STX18: variants seen among roughly 807,000 people sequenced by gnomAD.
The protein encoded by STX18 is syntaxin-18.
STX18 carries 40 observed loss-of-function variants against 50.1 expected under a neutral mutation model. The observed-to-expected ratio is 0.80, with a 90% CI of 0.62 to 1.04. The LOEUF (loss-of-function observed/expected upper bound fraction) is 1.04, where lower values mean the gene tolerates loss of function less well. Among genes scored for constraint, STX18 ranks in the 50% least tolerant of loss-of-function variants. The pLI is 0.00. For missense variants in STX18, 410 were observed against 415.8 expected, an observed-to-expected ratio of 0.99 and a Z score of 0.12; for synonymous variants, 158 against 151.8, an observed-to-expected ratio of 1.04 and a Z score of -0.30.
rs555814814 is a variant in STX18, at chr4:4,540,290, A to G, written c.168+1507T>C. ...CCTTCTCTGGTGCTTTCTCTACCAG[A>G]TAACATCTGACCATCTACAGGGCAA... On this transcript the variant is annotated intron_variant, in intron 1 of 10. Coordinates refer to ENST00000306200, the MANE Select transcript of STX18 (RefSeq NM_016930.4). 1.1e-4 allele frequency among the ~76,000 whole-genome samples: 17 copies of G among 152,336 alleles called. No homozygotes were observed. The South Asian group carries it at 3.1e-3, about 28-fold the overall frequency.
At chr4:4,501,147 T>C (rs1332219252) in intron 1 of STX18, among the ~76,000 whole-genome samples, 1 of 152,274 alleles carries the variant, frequency 6.6e-6, no homozygotes, top group South Asian at 2.1e-4. Flanking sequence ...TATGCTGTAA[T>C]GAACATCTTT....
At chr4:4,460,987 G>A (rs1372643987) in intron 2 of STX18, among the ~76,000 whole-genome samples, 1 of 152,050 alleles carries the variant, frequency 6.6e-6, no homozygotes, top group East Asian at 1.9e-4. Flanking sequence ...AGGCTAACGG[G>A]GTCAGGGACA....
chr4:4,507,533 A>G, intron 1 of STX18: 1 of 770,552 alleles, frequency 1.3e-6, no homozygotes, highest in Non-Finnish European at 2.4e-6. Context: ...AGCCGCACAA[A>G]AAATAAGCAA....
chr4:4,539,470 C>T (rs964708280), intron 1 of STX18, among the ~76,000 whole-genome samples: 3 of 152,174 alleles, frequency 2.0e-5, no homozygotes, highest in African/African-American at 7.2e-5. Flanking sequence ...GAGTGGGGAA[C>T]GGTTGCAAGA....
rs1363592228 is a variant in STX18 at position 4,525,351 on chromosome 4, G to A, written c.168+16446C>T. ...AGTATGAAGCTCAAGGCAGGCAAAG[G>A]AGAAGTGCTTGAGGGAGAACTGTTA... On this transcript the variant is annotated intron_variant, in intron 1 of 10. Transcript: ENST00000306200. Among the ~76,000 whole-genome samples, 11 of 152,304 alleles carry A rather than the reference G, an allele frequency of 7.2e-5. No homozygotes were observed. In the South Asian group the frequency reaches 2.3e-3, roughly 32 times the overall value.
intron 1 of STX18, among the ~76,000 whole-genome samples, chr4:4,491,411 G>A (rs1021859401): frequency 2.0e-5 from 3 of 152,000 alleles, no homozygotes; most frequent in South Asian, 2.1e-4. Flanking sequence ...TAATACTAAC[G>A]TAGGAAAAAG....
intron 1 of STX18, among the ~76,000 whole-genome samples, chr4:4,536,878 C>T (rs1731363249): frequency 6.6e-6 from 1 of 152,206 alleles, no homozygotes; most frequent in Non-Finnish European, 1.5e-5. Context: ...TCATTATTAC[C>T]TTATTTAGAA....
chr4:4,531,495 T>C (rs1731094327), intron 1 of STX18, among the ~76,000 whole-genome samples: 1 of 152,224 alleles, frequency 6.6e-6, no homozygotes. Flanking sequence ...AGGATCGCCA[T>C]TGATGTTTGC....
At chr4:4,433,745 TAG>T (rs1408982782) in intron 7 of STX18, among the ~76,000 whole-genome samples, 1 of 151,982 alleles carries the variant, frequency 6.6e-6, no homozygotes, top group Non-Finnish European at 1.5e-5. Context: ...CAGGAGTGGA[TAG>T]AGAGAGCTTG....
At chr4:4,439,251 T>C (rs866932878) in intron 5 of STX18, among the ~76,000 whole-genome samples, 4 of 115,028 alleles carry the variant, frequency 3.5e-5, no homozygotes, top group African/African-American at 1.3e-4. Flanking sequence ...CACATACATA[T>C]ATTCACATAT....
At chr4:4,441,096 G>A (rs918780233) in intron 5 of STX18, among the ~76,000 whole-genome samples, 1 of 152,208 alleles carries the variant, frequency 6.6e-6, no homozygotes, top group Non-Finnish European at 1.5e-5. Context: ...CATGGCAGCT[G>A]GCTGCCTGCA....
chr4:4,419,078 T>A lies in STX18; in HGVS notation c.*956A>T, dbSNP rs941767168. On this transcript the variant is annotated 3_prime_UTR_variant, in exon 11 of 11. Coordinates refer to ENST00000306200, the MANE Select transcript of STX18 (RefSeq NM_016930.4). ...AGGATACCTGTGCTGCCCAGTGGAC[T>A]GTCTGTACACACACGCATTTCACCA... 1 of 152,276 alleles carries A rather than the reference T, an allele frequency of 6.6e-6. No homozygotes were observed. The highest frequency in any genetic ancestry group is 6.5e-5 in the Admixed American group (1 of 15,292). 9.4% of individuals were successfully genotyped at this position (152,276 alleles called of 1,614,324 possible).
chr4:4,514,856 A>C (rs766339960), intron 1 of STX18, among the ~76,000 whole-genome samples: 3 of 152,174 alleles, frequency 2.0e-5, no homozygotes, highest in Admixed American at 6.5e-5. Context: ...GGGTCTCTCA[A>C]GTTCCTAGTT....
intron 1 of STX18, among the ~76,000 whole-genome samples, chr4:4,480,192 T>G (rs180979949): frequency 6.6e-6 from 1 of 152,312 alleles, no homozygotes; most frequent in East Asian, 1.9e-4. Context: ...CACTTTAAAA[T>G]TTTTCTACAG....
At chr4:4,464,403 T>G (rs1025082849) in intron 2 of STX18, among the ~76,000 whole-genome samples, 2 of 152,250 alleles carry the variant, frequency 1.3e-5, no homozygotes, top group African/African-American at 4.8e-5. Flanking sequence ...CTTCATCTGC[T>G]CGATAAATAT....
Position 4,438,363 on chromosome 4 carries a change from T to C in STX18, c.613+31A>G, listed in dbSNP as rs367719908. The C allele has an allele frequency of 6.6e-6, 10 of 1,520,942 alleles. No individual in the cohort carries two copies. In the South Asian group the frequency reaches 9.1e-5, roughly 14 times the overall value. The allele number at this position is 1,520,942 out of a possible 1,614,324, so 94.2% of individuals were successfully genotyped here. On this transcript the variant is annotated intron_variant, in intron 6 of 10. Transcript: ENST00000306200. ...TTGCCAACATGTCACAAGGAAGAAA[T>C]GCAAGGTGAGATTTTCATCTCAATT...
chr4:4,502,473 A>G (rs1428962400), intron 1 of STX18, among the ~76,000 whole-genome samples: 1 of 152,222 alleles, frequency 6.6e-6, no homozygotes, highest in Non-Finnish European at 1.5e-5. Flanking sequence ...CTACTCAAGG[A>G]TAAAACTTTT....
chr4:4,523,865 T>C (rs1380036549), intron 1 of STX18, among the ~76,000 whole-genome samples: 1 of 152,168 alleles, frequency 6.6e-6, no homozygotes, highest in African/African-American at 2.4e-5. Context: ...GCCATTCCTC[T>C]CCCATTCTAG....
intron 1 of STX18, among the ~76,000 whole-genome samples, chr4:4,490,831 T>C (rs189226787): frequency 1.2e-4 from 19 of 152,318 alleles, no homozygotes; most frequent in African/African-American, 4.3e-4. Flanking sequence ...GAAAACATTA[T>C]TTAATGTTAC....
Sources: gnomAD v4.1 joint callset for allele counts (sites outside exome capture counted in the v4.1 genomes callset) on GRCh38, gnomAD v4.1.1 for gene constraint, MANE v1.5 for transcripts, NCBI Gene and HGNC (gene_info 2026-07-23, HGNC 2026-07-21) for gene names.